Variants in FAM216A observed in about 807,000 individuals in gnomAD.
FAM216A encodes protein FAM216A.
In FAM216A, 26 loss-of-function variants were observed where a neutral mutation model predicts 37.6. The ratio of observed to expected loss-of-function variants is 0.69; its 90% CI spans 0.51 to 0.96. The LOEUF (loss-of-function observed/expected upper bound fraction) is 0.96, where lower values mean the gene tolerates loss of function less well. FAM216A is among the 40% of genes least tolerant of loss of function. The pLI is 0.00. For synonymous variants in FAM216A, 110 were observed against 121.7 expected (o/e 0.90, Z 0.64); for missense variants, 326 against 339.3 (o/e 0.96, Z 0.31).
intron 2 of FAM216A, among the ~76,000 whole-genome samples, chr12:110,476,621 A>G (rs892794512): frequency 5.3e-5 from 8 of 151,896 alleles, no homozygotes; most frequent in Non-Finnish European, 1.0e-4. Flanking sequence ...CTGCCCCACC[A>G]GGTTCAAGCA....
intron 1 of FAM216A, among the ~76,000 whole-genome samples, chr12:110,470,752 C>A (rs2062681954): frequency 6.6e-6 from 1 of 152,030 alleles, no homozygotes; most frequent in Non-Finnish European, 1.5e-5. Flanking sequence ...GTTGTTTGTC[C>A]TTTCCTTTTA....
rs748250217 is a variant in FAM216A, at chr12:110,485,185, G to T, written c.292G>T (p.Ala98Ser). 1 of 1,608,574 alleles carries T rather than the reference G, an allele frequency of 6.2e-7. No individual in the cohort carries two copies. Among genetic ancestry groups the T allele is most frequent in the South Asian group, 1.1e-5 (1 of 90,040 alleles). Residue 98 changes from alanine to serine, a missense_variant, in exon 3 of 7, where the codon GCG (alanine) becomes TCG (serine). Transcript: ENST00000377673. ...TIHLSKSMMEASFFKHPDLTT... is the reference protein window; with the variant it reads ...TIHLSKSMMESSFFKHPDLTT... Reference sequence around the variant, plus strand: ...CCACCTCTCTAAATCAATGATGGAGGCGTCCTTTTTCAAGGTATGCTAACA... The same window carrying T: ...CCACCTCTCTAAATCAATGATGGAGTCGTCCTTTTTCAAGGTATGCTAACA...
chr12:110,472,975 CAAAAAAAAA>C (rs879057348), intron 1 of FAM216A, 94 bp from the exon 2 acceptor site: 88 of 87,226 alleles, frequency 1.0e-3, no homozygotes, highest in Middle Eastern at 6.2e-3. Flanking sequence ...GACCCTGTCT[CAAAAAAAAA>C]AAAAAAAAAA....
At position 110,472,167 on chromosome 12, in the gene FAM216A, G is replaced by T. The variant is rs571707938; in HGVS notation, c.144-911G>T. ...AATTGCTTGGACCTGGAAGGCGGAG[G>T]TTGCAGTGAACGGAGATCACGCCAT... On this transcript the variant is annotated intron_variant, in intron 1 of 6. Coordinates refer to ENST00000377673, the MANE Select transcript of FAM216A (RefSeq NM_013300.3). Among the ~76,000 whole-genome samples the T allele has an allele frequency of 7.2e-5, 11 of 151,848 alleles. No homozygotes were observed. The South Asian group carries it at 1.0e-3, about 14-fold the overall frequency.
intron 6 of FAM216A, among the ~76,000 whole-genome samples, chr12:110,489,249 A>C (rs1410575560): frequency 6.6e-6 from 1 of 152,126 alleles, no homozygotes; most frequent in Non-Finnish European, 1.5e-5. Flanking sequence ...TCATGCCTGT[A>C]ATCTCAGCAC....
At chr12:110,484,455 A>C (rs908709956) in intron 2 of FAM216A, among the ~76,000 whole-genome samples, 46 of 138,680 alleles carry the variant, frequency 3.3e-4, no homozygotes, top group Non-Finnish European at 5.6e-4. Flanking sequence ...AAAAAAAAAA[A>C]CTATATAGTA....
chr12:110,484,416 G>A (rs1592981814), intron 2 of FAM216A, among the ~76,000 whole-genome samples: 1 of 88,630 alleles, frequency 1.1e-5, no homozygotes, highest in South Asian at 4.5e-4. Context: ...GACACAGAGA[G>A]ACTCCGTCTC....
At chr12:110,482,416 T>C (rs2062752379) in intron 2 of FAM216A, among the ~76,000 whole-genome samples, 1 of 152,126 alleles carries the variant, frequency 6.6e-6, no homozygotes, top group Non-Finnish European at 1.5e-5. Context: ...CCAGCTTTAT[T>C]TGTAATAGAC....
At chr12:110,486,209 G>C in intron 3 of FAM216A, 116 bp from the exon 4 acceptor site, 1 of 1,113,256 alleles carries the variant, frequency 9.0e-7, no homozygotes, top group Non-Finnish European at 1.2e-6. Context: ...AGTTGAATTT[G>C]CTAAAGTAAA....
At chr12:110,483,258 A>C (rs2062758538) in intron 2 of FAM216A, among the ~76,000 whole-genome samples, 1 of 147,472 alleles carries the variant, frequency 6.8e-6, no homozygotes, top group African/African-American at 2.6e-5. Context: ...CGGGAGGTGG[A>C]GCTTGCAGCT....
At chr12:110,474,670 C>T (rs577320984) in intron 2 of FAM216A, among the ~76,000 whole-genome samples, 29 of 114,944 alleles carry the variant, frequency 2.5e-4, no homozygotes, top group Non-Finnish European at 3.3e-4. Flanking sequence ...TGAGCCTGGG[C>T]GACAGAGCGA....
intron 6 of FAM216A, among the ~76,000 whole-genome samples, 195 bp from the exon 7 acceptor site, chr12:110,489,824 A>G (rs182245431): frequency 6.6e-6 from 1 of 152,338 alleles, no homozygotes; most frequent in Admixed American, 6.5e-5. Flanking sequence ...GCTGTACAGT[A>G]ACTTGGCTAG....
At chr12:110,470,164 T>G (rs938405191) in intron 1 of FAM216A, among the ~76,000 whole-genome samples, 1 of 151,322 alleles carries the variant, frequency 6.6e-6, no homozygotes, top group Non-Finnish European at 1.5e-5. Context: ...AGTGGTGCCA[T>G]CTCAGCTCAC....
At chr12:110,485,680 GC>G (rs1378835664) in intron 3 of FAM216A, among the ~76,000 whole-genome samples, 3 of 152,186 alleles carry the variant, frequency 2.0e-5, no homozygotes, top group African/African-American at 7.2e-5. Flanking sequence ...GATCGTAACT[GC>G]TAAAAGTATC....
upstream of FAM216A, chr12:110,468,754 G>GC: frequency 6.8e-7 from 1 of 1,480,618 alleles, no homozygotes; most frequent in South Asian, 1.3e-5. Context: ...GGATCTGCCC[G>GC]CCCCGCTCTC....
In FAM216A at chr12:110,468,901, C is replaced by T. The variant is rs751059403; in HGVS notation, c.26C>T (p.Thr9Met). 41 of 1,519,564 alleles carry T rather than the reference C, an allele frequency of 2.7e-5. No individual in the cohort carries two copies. Among genetic ancestry groups the T allele is most frequent in the Non-Finnish European group, 3.5e-5 (40 of 1,136,124 alleles). 94.1% of individuals were successfully genotyped at this position (1,519,564 alleles called of 1,614,324 possible). The change falls in exon 1 of 7, where the codon ACG becomes ATG. Residue 9 changes from threonine (T) to methionine (M), a missense_variant. By Grantham distance (81) the Thr-to-Met change is moderately conservative. Transcript: ENST00000377673. The stretch of plus-strand genomic sequence containing the variant: ...ATGCTGGGACAGCTGCTCCCGCACA[C>T]GGCTCGCGGTCTCGGCGCCGCGGAG... MLGQLLPH[T>M]ARGLGAAEMP...
upstream of FAM216A, chr12:110,468,811 G>A: frequency 1.4e-6 from 2 of 1,459,110 alleles, no homozygotes; most frequent in Admixed American, 2.4e-5. Context: ...GGGGCGAGAA[G>A]CCAGCATCCG....
intron 3 of FAM216A, among the ~76,000 whole-genome samples, chr12:110,485,687 G>GT (rs1434108066): frequency 2.0e-5 from 3 of 152,182 alleles, no homozygotes; most frequent in Non-Finnish European, 4.4e-5. Context: ...ACTGCTAAAA[G>GT]TATCTCTAGA....
At position 110,486,557 on chromosome 12, in the gene FAM216A, C is replaced by A. The variant is rs370725377; in HGVS notation, c.460C>A (p.Arg154Ser). The change falls in exon 5 of 7, where the codon CGC becomes AGC. Residue 154 changes from arginine to serine, a missense_variant. By Grantham distance (110) the Arg-to-Ser change is moderately radical. Coordinates refer to ENST00000377673, the MANE Select transcript of FAM216A (RefSeq NM_013300.3). ...KPGVLTHHRS[R>S]LSSRYSQKQH... ...AGGTGTCCTCACTCATCACAGAAGC[C>A]GCCTTAGCTCCCGTTACTCACAGAA... The A allele has an allele frequency of 6.2e-7, 1 of 1,613,528 alleles. No individual in the cohort carries two copies. The highest frequency in any genetic ancestry group is 1.1e-5 in the South Asian group (1 of 91,044).
Sources: gnomAD v4.1 joint callset for allele counts (sites outside exome capture counted in the v4.1 genomes callset) on GRCh38, gnomAD v4.1.1 for gene constraint, MANE v1.5 for transcripts, NCBI Gene and HGNC (gene_info 2026-07-23, HGNC 2026-07-21) for gene names.